BCAS3: variants seen among roughly 807,000 people sequenced by gnomAD.
BCAS3 encodes BCAS3 microtubule associated cell migration factor.
In BCAS3, 53 loss-of-function variants were observed where a neutral mutation model predicts 116.1. The ratio of observed to expected loss-of-function variants is 0.46; its 90% CI spans 0.37 to 0.57. The LOEUF (loss-of-function observed/expected upper bound fraction) is 0.57, where lower values mean the gene tolerates loss of function less well. BCAS3 is among the 20% of genes least tolerant of loss of function. BCAS3 has a pLI of 0.00. For synonymous variants in BCAS3, 391 were observed against 408.2 expected (o/e 0.96, Z 0.51); for missense variants, 917 against 1,165.4 (o/e 0.79, Z 3.10).
intron 8 of BCAS3, among the ~76,000 whole-genome samples, chr17:60,872,421 G>C (rs2055193077): frequency 6.8e-6 from 1 of 146,774 alleles, no homozygotes; most frequent in Non-Finnish European, 1.5e-5. Context: ...ATATATATCT[G>C]TATGTATATA....
intron 3 of BCAS3, among the ~76,000 whole-genome samples, chr17:60,686,806 G>GT (rs2034126124): frequency 6.6e-6 from 1 of 152,130 alleles, no homozygotes; most frequent in Admixed American, 6.5e-5. Context: ...GATTACAGGC[G>GT]TGAGCCACTG....
chr17:61,005,779 T>C (rs964024925), intron 15 of BCAS3, among the ~76,000 whole-genome samples: 10 of 149,492 alleles, frequency 6.7e-5, no homozygotes, highest in African/African-American at 2.5e-4. Context: ...TAGGAAAAAA[T>C]TTCTTTTTTT....
At chr17:60,766,777 TG>T (rs2044140518) in intron 6 of BCAS3, among the ~76,000 whole-genome samples, 1 of 152,248 alleles carries the variant, frequency 6.6e-6, no homozygotes, top group South Asian at 2.1e-4. Flanking sequence ...TGCTGCCTTT[TG>T]TTCAGCTATG....
Position 61,378,824 on chromosome 17 carries a change from C to T in BCAS3, c.2593+10330C>T, listed in dbSNP as rs978537516. 4 of 152,346 alleles carry T rather than the reference C, an allele frequency of 2.6e-5. No homozygotes were observed. Among genetic ancestry groups the T allele is most frequent in the Non-Finnish European group, 5.9e-5 (4 of 68,128 alleles). 9.4% of individuals were successfully genotyped at this position (152,346 alleles called of 1,614,324 possible). A position where few individuals can be genotyped will look rare whatever the true frequency, so the allele number is the denominator to read the frequency against. On this transcript the variant is annotated intron_variant, in intron 23 of 23. Transcript: ENST00000407086. This position sits in a 1 kb window ranked among gnomAD's most constrained non-coding sequence, Gnocchi z 5.8. ...GATTCTGGGTAGATCATTTCCCCCACCCCACCTTCGTCACTAAGGCTACTG... is the reference window on the plus strand; with the variant it reads ...GATTCTGGGTAGATCATTTCCCCCATCCCACCTTCGTCACTAAGGCTACTG...
rs1602001829 is a variant in BCAS3, at chr17:61,223,000, G to A, written c.2425+138436G>A. On this transcript the variant is annotated intron_variant, in intron 22 of 23. Coordinates refer to ENST00000407086, the MANE Select transcript of BCAS3 (RefSeq NM_017679.5). This position sits in a 1 kb window ranked among gnomAD's most constrained non-coding sequence, Gnocchi z 6.1. ...TGGGCTTTTCTCCTTTTCCAGTCCG[G>A]TTGTTCCCAAAATCACTAGTTTAAT... Among the ~76,000 whole-genome samples the A allele has an allele frequency of 6.6e-6, 1 of 152,074 alleles. No individual in the cohort carries two copies. The highest frequency in any genetic ancestry group is 1.5e-5 in the Non-Finnish European group (1 of 68,020).
intron 8 of BCAS3, among the ~76,000 whole-genome samples, chr17:60,872,272 G>T (rs1386344102): frequency 2.6e-5 from 4 of 151,776 alleles, no homozygotes; most frequent in African/African-American, 7.3e-5. Flanking sequence ...TATATAGTGT[G>T]TGTATATAAT....
At chr17:61,373,309 C>T (rs894516244) in intron 23 of BCAS3, among the ~76,000 whole-genome samples, 1 of 152,094 alleles carries the variant, frequency 6.6e-6, no homozygotes, top group Admixed American at 6.5e-5. Context: ...AGGCTGGTCT[C>T]GAACTCCTGG....
At chr17:60,979,793 T>C (rs1205226989) in intron 14 of BCAS3, among the ~76,000 whole-genome samples, 2 of 152,238 alleles carry the variant, frequency 1.3e-5, no homozygotes, top group Non-Finnish European at 2.9e-5. Flanking sequence ...TGTGATGGAT[T>C]ATGTTTACTG....
intron 22 of BCAS3, among the ~76,000 whole-genome samples, chr17:61,263,578 G>A (rs1179446865): frequency 6.6e-6 from 1 of 152,226 alleles, no homozygotes; most frequent in African/African-American, 2.4e-5. Flanking sequence ...AGAATATCCA[G>A]TGCAGGTGTT....
At chr17:60,897,139 A>C (rs2057565649) in intron 10 of BCAS3, among the ~76,000 whole-genome samples, 1 of 152,182 alleles carries the variant, frequency 6.6e-6, no homozygotes, top group South Asian at 2.1e-4. Context: ...GTTGGAAAAA[A>C]TGTCATTTCT....
chr17:60,921,987 T>C (rs1473831710), intron 12 of BCAS3, among the ~76,000 whole-genome samples: 1 of 150,048 alleles, frequency 6.7e-6, no homozygotes, highest in East Asian at 1.9e-4. Flanking sequence ...CATTTTTTTC[T>C]TTTTTTTTCT....
rs541286151 is a variant in BCAS3 at position 60,915,266 on chromosome 17, A to C, written c.993+4564A>C. 6.9e-4 allele frequency among the ~76,000 whole-genome samples: 105 copies of C among 152,290 alleles called. 1 individual carries two copies. The highest frequency in any genetic ancestry group is 2.9e-5 in the Non-Finnish European group (2 of 68,016). Reference sequence around the variant, plus strand: ...TTTCTGAGTGATGTGGGTTAACAAAAAAAACCTCAGAAAATGGACAATGAT... The same window carrying C: ...TTTCTGAGTGATGTGGGTTAACAAACAAAACCTCAGAAAATGGACAATGAT... On this transcript the variant is annotated intron_variant, in intron 12 of 23. Transcript: ENST00000407086.
At chr17:61,291,545 G>A (rs1387025224) in intron 22 of BCAS3, among the ~76,000 whole-genome samples, 1 of 152,136 alleles carries the variant, frequency 6.6e-6, no homozygotes, top group Non-Finnish European at 1.5e-5. Context: ...TATTTGCCGG[G>A]AAAAAAATGG....
chr17:60,735,902 G>A (rs765019044), intron 5 of BCAS3, among the ~76,000 whole-genome samples: 3 of 143,396 alleles, frequency 2.1e-5, no homozygotes, highest in African/African-American at 5.9e-5. Context: ...GATTTTTACC[G>A]TGTAGCTTAT....
chr17:61,320,296 C>G (rs769904437), intron 22 of BCAS3, among the ~76,000 whole-genome samples: 79 of 152,128 alleles, frequency 5.2e-4, no homozygotes, highest in Non-Finnish European at 9.3e-4. Flanking sequence ...ATCAGATGGT[C>G]CATTCCTAGA....
Position 61,333,139 on chromosome 17 carries a change from T to C in BCAS3, c.2426-35188T>C, listed in dbSNP as rs766023451. ...CCTGGACCCCACTCACACCTATTTC[T>C]GGACCTTTATTGGCAGGTGGGTCAG... is the stretch of plus-strand genomic sequence containing the variant. On this transcript the variant is annotated intron_variant, in intron 22 of 23. Coordinates refer to ENST00000407086, the MANE Select transcript of BCAS3 (RefSeq NM_017679.5). This position sits in a 1 kb window ranked among gnomAD's most constrained non-coding sequence, Gnocchi z 4.8. 3.7e-4 allele frequency among the ~76,000 whole-genome samples: 56 copies of C among 152,240 alleles called. No individual in the cohort carries two copies. Among genetic ancestry groups the C allele is most frequent in the Non-Finnish European group, 6.9e-4 (47 of 68,044 alleles).
At chr17:60,780,138 G>A (rs757003169) in intron 6 of BCAS3, among the ~76,000 whole-genome samples, 5 of 151,320 alleles carry the variant, frequency 3.3e-5, no homozygotes, top group Non-Finnish European at 7.4e-5. Context: ...CTACAGGCAC[G>A]TGCCACCACA....
chr17:61,003,700 C>T (rs993705198), intron 15 of BCAS3: 13 of 152,072 alleles, frequency 8.5e-5, no homozygotes, highest in Admixed American at 4.6e-4. Context: ...AAACACTGAC[C>T]TCAGTGATGG....
At chr17:61,067,738 A>ATATATATAT (rs1271397665) in intron 19 of BCAS3, among the ~76,000 whole-genome samples, 23 of 139,118 alleles carry the variant, frequency 1.7e-4, no homozygotes, top group African/African-American at 6.8e-4. Context: ...AAAAAAAAAA[A>ATATATATAT]AAATATATAT....
Sources: gnomAD v4.1 joint callset for allele counts (sites outside exome capture counted in the v4.1 genomes callset) on GRCh38, gnomAD v4.1.1 for gene constraint, Gnocchi (gnomAD v3.1) non-coding constraint, MANE v1.5 for transcripts, NCBI Gene and HGNC (gene_info 2026-07-23, HGNC 2026-07-21) for gene names.